TAB2: variants seen among roughly 807,000 people sequenced by gnomAD.
The protein encoded by TAB2 is TGF-beta activated kinase 1 (MAP3K7) binding protein 2, also known as TGF-beta-activated kinase 1 and MAP3K7-binding protein 2.
TAB2 carries 3 observed loss-of-function variants against 65.0 expected under a neutral mutation model. That is an observed-to-expected ratio of 0.05 (90% CI 0.02 to 0.12). The LOEUF is 0.12. Ranked by LOEUF, TAB2 falls within the 10% of genes least tolerant of loss-of-function variation. The pLI, the probability that TAB2 is intolerant of heterozygous loss-of-function variation, is 1.00. For missense variants in TAB2, 623 were observed against 840.3 expected (o/e 0.74, Z 3.20); for synonymous variants, 298 against 285.1 (o/e 1.05, Z -0.46).
At chr6:149,348,736 G>A (rs910091916) in intron 1 of TAB2, among the ~76,000 whole-genome samples, 1 of 151,914 alleles carries the variant, frequency 6.6e-6, no homozygotes, top group Non-Finnish European at 1.5e-5. Flanking sequence ...GGACGAGGCA[G>A]GTAGATCACC....
At position 149,379,321 on chromosome 6, in the gene TAB2, C is replaced by G. The variant is rs1781525303; in HGVS notation, c.1406C>G (p.Ser469Cys). The G allele has an allele frequency of 6.2e-7, 1 of 1,614,224 alleles. No individual in the cohort carries two copies. The highest frequency in any genetic ancestry group is 8.5e-7 in the Non-Finnish European group (1 of 1,180,052). The change falls in exon 3 of 7, where the codon TCT becomes TGT. Residue 469 changes from serine (S) to cysteine (C), a missense_variant. By Grantham distance (112) the Ser-to-Cys change is moderately radical. This residue lies in a region of TAB2 where 550 missense variants were observed against 665.7 expected (regional missense o/e 0.83). Coordinates refer to ENST00000637181, the MANE Select transcript of TAB2 (RefSeq NM_001292034.3). ...AAATACACTTTCAAAATTACAGTCT[C>G]TCCCAATAAGCCCCCTGCAGTTTCA... ...NTKYTFKITV[S>C]PNKPPAVSPG...
At chr6:149,402,317 G>T (rs538914048) in intron 6 of TAB2, among the ~76,000 whole-genome samples, 2 of 151,554 alleles carry the variant, frequency 1.3e-5, no homozygotes, top group East Asian at 3.9e-4. Context: ...AGATAACCTA[G>T]AAAAAAATTG....
intron 1 of TAB2, among the ~76,000 whole-genome samples, chr6:149,250,473 T>G (rs192044293): frequency 1.3e-5 from 2 of 152,196 alleles, no homozygotes; most frequent in Admixed American, 6.5e-5. Flanking sequence ...GCCCAGCTAA[T>G]TTTTGTATTT....
intron 1 of TAB2, among the ~76,000 whole-genome samples, chr6:149,298,832 T>C (rs1370631389): frequency 1.3e-5 from 2 of 152,244 alleles, no homozygotes; most frequent in East Asian, 3.8e-4. Context: ...ACATTAATTC[T>C]ATAAAATGAT....
rs1478971455 is a variant in TAB2 at position 149,379,530 on chromosome 6, A to T, written c.1603+12A>T. On this transcript the variant is annotated intron_variant, in intron 3 of 6. Transcript: ENST00000637181. ...TGCCTACACACAAGGTAATATGAAT[A>T]CTAAAGGTGGGATGGTTTTCCATGC... 6.2e-7 allele frequency: 1 copy of T among 1,613,870 alleles called. No homozygotes were observed. Among genetic ancestry groups the T allele is most frequent in the Non-Finnish European group, 8.5e-7 (1 of 1,179,784 alleles).
At chr6:149,371,795 C>A (rs1203829170) in intron 2 of TAB2, among the ~76,000 whole-genome samples, 1 of 151,194 alleles carries the variant, frequency 6.6e-6, no homozygotes, top group East Asian at 1.9e-4. Flanking sequence ...GTAAATGAAT[C>A]AGTGGTTTAC....
intron 1 of TAB2, among the ~76,000 whole-genome samples, chr6:149,351,599 TCTC>T (rs1424809394): frequency 2.0e-5 from 3 of 152,192 alleles, no homozygotes; most frequent in South Asian, 2.1e-4. Flanking sequence ...CTCATTTAAT[TCTC>T]CTAACACTCC....
At chr6:149,361,320 A>G (rs1780842197) in intron 1 of TAB2, among the ~76,000 whole-genome samples, 1 of 152,058 alleles carries the variant, frequency 6.6e-6, no homozygotes, top group Non-Finnish European at 1.5e-5. Flanking sequence ...TCACTCTTGC[A>G]CTGTGCACAC....
At chr6:149,274,534 A>C (rs1778419666) in intron 1 of TAB2, among the ~76,000 whole-genome samples, 1 of 152,218 alleles carries the variant, frequency 6.6e-6, no homozygotes, top group Non-Finnish European at 1.5e-5. Context: ...GATGCCTAAG[A>C]AGTTACAGAG....
chr6:149,332,906 A>G (rs1334895953), intron 1 of TAB2, among the ~76,000 whole-genome samples: 1 of 152,184 alleles, frequency 6.6e-6, no homozygotes, highest in East Asian at 1.9e-4. Flanking sequence ...TTTAAATGCC[A>G]CAAGTTTTTT....
intron 1 of TAB2, among the ~76,000 whole-genome samples, chr6:149,295,724 G>A (rs1251352760): frequency 6.6e-6 from 1 of 152,056 alleles, no homozygotes; most frequent in Non-Finnish European, 1.5e-5. Context: ...TTTGAAATGT[G>A]TCATATTTAC....
At chr6:149,334,820 C>G (rs977918538) in intron 1 of TAB2, among the ~76,000 whole-genome samples, 1 of 152,098 alleles carries the variant, frequency 6.6e-6, no homozygotes, top group Admixed American at 6.6e-5. Context: ...ATCAGTGAAA[C>G]TTTGCCATTG....
chr6:149,314,966 A>C (rs1245990931), upstream of TAB2, among the ~76,000 whole-genome samples: 5 of 152,016 alleles, frequency 3.3e-5, no homozygotes, highest in Admixed American at 2.6e-4. Flanking sequence ...AAAGACACTG[A>C]ATATTTACTG....
chr6:149,400,024 G>A (rs147452423), intron 6 of TAB2, among the ~76,000 whole-genome samples: 75 of 152,214 alleles, frequency 4.9e-4, no homozygotes, highest in African/African-American at 1.6e-3. Context: ...AAACGTTGTC[G>A]AATAACAAGA....
At chr6:149,227,606 G>T (rs1166870334) in intron 1 of TAB2, among the ~76,000 whole-genome samples, 1 of 152,202 alleles carries the variant, frequency 6.6e-6, no homozygotes, top group Non-Finnish European at 1.5e-5. Context: ...AGGCCGGCTT[G>T]CCACTTGCCC....
intron 1 of TAB2, among the ~76,000 whole-genome samples, chr6:149,219,098 G>T (rs1296944749): frequency 2.0e-5 from 3 of 152,106 alleles, no homozygotes; most frequent in Admixed American, 2.0e-4. Context: ...TAGTCTCTGG[G>T]GATGATTGGG....
At chr6:149,395,505 C>T (rs750549907) in intron 3 of TAB2, among the ~76,000 whole-genome samples, 1 of 152,204 alleles carries the variant, frequency 6.6e-6, no homozygotes, top group African/African-American at 2.4e-5. Context: ...TCCCTAAATA[C>T]TGAACATGTA....
At chr6:149,392,145 C>T (rs946286053) in intron 3 of TAB2, among the ~76,000 whole-genome samples, 1 of 14,642 alleles carries the variant, frequency 6.8e-5, no homozygotes, top group African/African-American at 3.7e-4. Flanking sequence ...TGGCAGGGGG[C>T]GGGGGGGCGG....
chr6:149,265,744 C>T (rs6907145), intron 1 of TAB2, among the ~76,000 whole-genome samples: 76,364 of 152,066 alleles, frequency 0.5, 20,216 homozygotes, highest in East Asian at 0.69. Context: ...GCCCCACGCG[C>T]GAGCCTGCCT....
Sources: allele counts gnomAD v4.1 joint callset (sites outside exome capture counted in the v4.1 genomes callset), GRCh38; gene constraint gnomAD v4.1.1; regional missense constraint gnomAD v4.1.1; transcripts MANE v1.5; gene names NCBI Gene and HGNC (gene_info 2026-07-23, HGNC 2026-07-21).